TRIM14: variants seen among roughly 807,000 people sequenced by gnomAD.
The protein encoded by TRIM14 is tripartite motif-containing protein 14.
Under a neutral mutation model 44.5 loss-of-function variants are expected in TRIM14, and 28 were observed. That is an observed-to-expected ratio of 0.63 (90% CI 0.47 to 0.86). TRIM14 has a LOEUF of 0.86. Ranked by LOEUF, TRIM14 falls within the 40% of genes least tolerant of loss-of-function variation. The pLI is 0.00. For synonymous variants in TRIM14, 299 were observed against 269.2 expected (o/e 1.11, Z -1.08); for missense variants, 607 against 611.1 (o/e 0.99, Z 0.07).
chr9:98,042,379 C>T, the TRIM14 span, among the ~76,000 whole-genome samples: 1 of 151,318 alleles, frequency 6.6e-6, no homozygotes, highest in African/African-American at 2.4e-5. Flanking sequence ...TCTTAGATCT[C>T]AAATTATATG....
At chr9:98,039,816 C>G in the TRIM14 span, among the ~76,000 whole-genome samples, 1 of 152,104 alleles carries the variant, frequency 6.6e-6, no homozygotes, top group Non-Finnish European at 1.5e-5. Flanking sequence ...CTTAAAATCT[C>G]TGCTCCCTGA....
chr9:98,068,280 G>A (rs182841760), downstream of TRIM14, among the ~76,000 whole-genome samples: 14 of 151,816 alleles, frequency 9.2e-5, no homozygotes, highest in Admixed American at 8.5e-4. Flanking sequence ...GATTACAGGC[G>A]CACACCACCA....
chr9:98,039,109 G>A, the TRIM14 span, among the ~76,000 whole-genome samples: 11 of 151,470 alleles, frequency 7.3e-5, no homozygotes, highest in East Asian at 1.9e-4. Context: ...TAGCACACCC[G>A]TATTTCATGC....
intron 5 of TRIM14, among the ~76,000 whole-genome samples, chr9:98,088,265 T>G (rs1018075241): frequency 6.6e-6 from 1 of 152,254 alleles, no homozygotes; most frequent in African/African-American, 2.4e-5. Context: ...TAATACAAAT[T>G]TAATTAAAAC....
intron 1 of TRIM14, among the ~76,000 whole-genome samples, chr9:98,113,287 C>T (rs997791873): frequency 1.3e-5 from 2 of 152,006 alleles, no homozygotes; most frequent in South Asian, 2.1e-4. Flanking sequence ...GAGAGATTAT[C>T]GATTATCTTA....
In TRIM14 at chr9:98,097,327, T is replaced by TAAAA. The variant is rs199742383; in HGVS notation, c.538-2299_538-2298insTTTT. 6.8e-3 allele frequency among the ~76,000 whole-genome samples: 1,033 copies of TAAAA among 152,142 alleles called. 14 individuals carry two copies. The highest frequency in any genetic ancestry group is 0.023 in the African/African-American group (967 of 41,526). ...GTGTCTCTCAATCCCCCCACCCTTA[T>TAAAA]ACCCTCACCTCTCCTCAAGTCAGGC... On this transcript the variant is annotated intron_variant, in intron 3 of 5. Coordinates refer to ENST00000341469, the MANE Select transcript of TRIM14 (RefSeq NM_014788.4).
the TRIM14 span, among the ~76,000 whole-genome samples, chr9:98,037,784 C>T: frequency 2.4e-4 from 36 of 152,304 alleles, 1 homozygote; most frequent in African/African-American, 7.9e-4. Context: ...GGACCCCCAT[C>T]CTCAACCTTG....
the TRIM14 span, among the ~76,000 whole-genome samples, chr9:98,045,544 G>GT: frequency 2.0e-5 from 3 of 152,180 alleles, no homozygotes; most frequent in Non-Finnish European, 4.4e-5. Flanking sequence ...CCTCACTTCC[G>GT]TTTTCTGTAC....
chr9:98,087,576 G>C lies in TRIM14; in HGVS notation c.1223C>G (p.Thr408Arg). The change falls in exon 6 of 6, where the codon ACG becomes AGG. Residue 408 changes from threonine (T) to arginine (R), a missense_variant. Physicochemically the swap from Thr to Arg is moderately conservative, Grantham distance 71 (BLOSUM62 -1). Transcript: ENST00000341469. ...EAGVLAFYDV[T>R]GGMSHLHTFR... ...GGTATGCAGGTGGCTCATGCCGCCC[G>C]TCACGTCGTAGAAGGCGAGGACGCC... The C allele has an allele frequency of 1.9e-6, 3 of 1,597,926 alleles. No individual in the cohort carries two copies. Among genetic ancestry groups the C allele is most frequent in the Non-Finnish European group, 1.7e-6 (2 of 1,174,938 alleles).
At chr9:98,051,268 C>T in the TRIM14 span, among the ~76,000 whole-genome samples, 1 of 152,174 alleles carries the variant, frequency 6.6e-6, no homozygotes, top group Non-Finnish European at 1.5e-5. Flanking sequence ...ATAAACCAAA[C>T]CACCTGAAAT....
intron 1 of TRIM14, among the ~76,000 whole-genome samples, chr9:98,113,155 G>C (rs950002955): frequency 7.1e-6 from 1 of 141,372 alleles, no homozygotes; most frequent in African/African-American, 2.6e-5. Context: ...TTTTTTATAA[G>C]TTTTTCTAAA....
chr9:98,111,373 G>T (rs551225259), intron 1 of TRIM14, among the ~76,000 whole-genome samples: 28 of 152,030 alleles, frequency 1.8e-4, no homozygotes, highest in African/African-American at 6.8e-4. Context: ...AGGAGTTTGA[G>T]ACCAGCCTGA....
the TRIM14 span, among the ~76,000 whole-genome samples, chr9:98,038,974 C>A: frequency 1.9e-4 from 29 of 152,092 alleles, no homozygotes; most frequent in African/African-American, 6.7e-4. Flanking sequence ...CGCTTGAACC[C>A]AGGAGGCAGA....
chr9:98,082,818 T>C, downstream of TRIM14: 1 of 1,608,578 alleles, frequency 6.2e-7, no homozygotes, highest in East Asian at 2.2e-5. Context: ...TCTGTGAAGC[T>C]GGCACTGAAT....
In TRIM14 at chr9:98,087,332, GA is replaced by G. The variant is rs1825814364; in HGVS notation, c.*137del. 1 of 1,325,446 alleles carries G rather than the reference GA, an allele frequency of 7.5e-7. No homozygotes were observed. Among genetic ancestry groups the G allele is most frequent in the African/African-American group, 1.4e-5 (1 of 69,274 alleles). 82.1% of individuals were successfully genotyped at this position (1,325,446 alleles called of 1,614,324 possible). A position where few individuals can be genotyped will look rare whatever the true frequency, so the allele number is the denominator to read the frequency against. On this transcript the variant is annotated 3_prime_UTR_variant, in exon 6 of 6. Transcript: ENST00000341469. The stretch of plus-strand genomic sequence containing the variant: ...GAAACCTTCAAAGCACTGTAGGCGT[GA>G]TTGGTCGGGGAAAGCTGGGGCAGGG...
At chr9:98,064,984 A>G (rs1829093563), downstream of TRIM14, among the ~76,000 whole-genome samples, 1 of 152,164 alleles carries the variant, frequency 6.6e-6, no homozygotes, top group African/African-American at 2.4e-5. Context: ...GCTGATCTTC[A>G]GTTAATTACT....
intron 2 of TRIM14, among the ~76,000 whole-genome samples, chr9:98,100,948 T>C (rs902460334): frequency 4.6e-5 from 7 of 152,148 alleles, no homozygotes; most frequent in African/African-American, 1.7e-4. Flanking sequence ...ATCAATTAGA[T>C]GAAATACAAA....
At chr9:98,096,350 G>T (rs2118375181) in intron 3 of TRIM14, among the ~76,000 whole-genome samples, 1 of 152,278 alleles carries the variant, frequency 6.6e-6, no homozygotes, top group East Asian at 1.9e-4. Context: ...GGCCAGGGGA[G>T]ACCAAGCACT....
rs1012327566 is a variant in TRIM14 at position 98,087,878 on chromosome 9, C to G, written c.921G>C (p.Ala307=). ...LGPVPVLRFD[A]LWQVLARDCF... ...AGTCACGAGCCAGCACTTGCCAGAG[C>G]GCGTCGAACCGCAGCACGGGCACGG... Residue 307 remains alanine (A), a synonymous_variant, in exon 6 of 6, where the codon GCG becomes GCC. Transcript: ENST00000341469. The G allele has an allele frequency of 3.2e-6, 5 of 1,567,450 alleles. No individual in the cohort carries two copies. Among genetic ancestry groups the G allele is most frequent in the Non-Finnish European group, 4.3e-6 (5 of 1,167,034 alleles).
Sources: allele counts gnomAD v4.1 joint callset (sites outside exome capture counted in the v4.1 genomes callset), GRCh38; gene constraint gnomAD v4.1.1; transcripts MANE v1.5; gene names NCBI Gene and HGNC (gene_info 2026-07-23, HGNC 2026-07-21).